Variants in CCZ1 observed in about 807,000 individuals in gnomAD.
CCZ1 encodes CCZ1 vacuolar protein trafficking and biogenesis associated, also known as vacuolar fusion protein CCZ1 homolog.
Under a neutral mutation model 57.8 loss-of-function variants are expected in CCZ1, and 19 were observed. That is an observed-to-expected ratio of 0.33 (90% CI 0.23 to 0.48). CCZ1 has a LOEUF of 0.48. CCZ1 is among the 20% of genes least tolerant of loss of function. The pLI is 0.99. For synonymous variants in CCZ1, 81 were observed against 167.0 expected (o/e 0.49, Z 3.97); for missense variants, 200 against 492.0 (o/e 0.41, Z 5.61).
At position 5,912,938 on chromosome 7, in the gene CCZ1, A is replaced by G. The variant is rs142086333; in HGVS notation, c.938A>G (p.His313Arg). The G allele has an allele frequency of 1.1e-5, 17 of 1,598,898 alleles. No homozygotes were observed. The highest frequency in any genetic ancestry group is 1.4e-5 in the Non-Finnish European group (17 of 1,174,460). ...ACAGATGACACTTATGAAGAGCTCCATTTAATCGTTTATAAGGTAACAACT... is the reference window on the plus strand; with the variant it reads ...ACAGATGACACTTATGAAGAGCTCCGTTTAATCGTTTATAAGGTAACAACT... ...VNTDDTYEEL[H>R]LIVYKAMSAA... The change falls in exon 10 of 15, where the codon CAT becomes CGT. Residue 313 changes from histidine to arginine, a missense_variant. Physicochemically the swap from His to Arg is conservative, Grantham distance 29 (BLOSUM62 0). Transcript: ENST00000325974.
In CCZ1 at chr7:5,911,477, T is replaced by C. The variant is rs534970468; in HGVS notation, c.781-384T>C. 1.4e-5 allele frequency among the ~76,000 whole-genome samples: 2 copies of C among 147,664 alleles called. 1 individual carries two copies. The highest frequency in any genetic ancestry group is 4.6e-4 in the East Asian group (2 of 4,316). The stretch of plus-strand genomic sequence containing the variant: ...GCCACCACACCTGGCTAATTTTTTG[T>C]AGAGATGGGATCTCGTCATGTTGCC... On this transcript the variant is annotated intron_variant, in intron 8 of 14. Transcript: ENST00000325974.
At chr7:5,899,421 T>C (rs1234983046) in intron 1 of CCZ1, among the ~76,000 whole-genome samples, 1 of 145,244 alleles carries the variant, frequency 6.9e-6, no homozygotes, top group South Asian at 2.1e-4. Context: ...TCTCAAAGGA[T>C]GTCCGGAGCT....
intron 9 of CCZ1, 114 bp downstream of exon 9, chr7:5,912,036 C>T (rs968406742): frequency 3.9e-5 from 61 of 1,581,784 alleles, no homozygotes; most frequent in Non-Finnish European, 5.1e-5. Context: ...TCACTGCAAC[C>T]TCCGCCTCCC....
At chr7:5,899,740 C>G (rs1178836902) in intron 1 of CCZ1, among the ~76,000 whole-genome samples, 3 of 151,368 alleles carry the variant, frequency 2.0e-5, no homozygotes, top group South Asian at 2.1e-4. Flanking sequence ...TGCACTACAG[C>G]CTGGGCAGCA....
At chr7:5,907,374 C>G (rs1463067506) in intron 7 of CCZ1, among the ~76,000 whole-genome samples, 3 of 149,398 alleles carry the variant, frequency 2.0e-5, no homozygotes, top group Non-Finnish European at 2.9e-5. Context: ...GCTTGCAAGT[C>G]ACACGCAGCC....
chr7:5,916,498 G>GTTTTTTTTTTTTTTTTTTTTTT (rs764065119), intron 10 of CCZ1, among the ~76,000 whole-genome samples: 2 of 110,962 alleles, frequency 1.8e-5, no homozygotes, highest in Admixed American at 9.0e-5. Flanking sequence ...TTTTTGTTTT[G>GTTTTTTTTTTTTTTTTTTTTTT]TTTTTTGTTT....
At chr7:5,905,004 G>A (rs747894910) in intron 6 of CCZ1, 90 bp from the exon 7 acceptor site, 8 of 1,183,240 alleles carry the variant, frequency 6.8e-6, no homozygotes, top group Admixed American at 2.1e-5. Flanking sequence ...CCATAAATGT[G>A]AGTCTGACAT....
chr7:5,899,332 G>T lies in CCZ1; in HGVS notation c.120+413G>T, dbSNP rs865808763. Among the ~76,000 whole-genome samples, 7 of 128,914 alleles carry T rather than the reference G, an allele frequency of 5.4e-5. No individual in the cohort carries two copies. The South Asian group carries it at 9.4e-4, about 17-fold the overall frequency. The allele number at this position is 128,914 out of a possible 152,430, so 84.6% of individuals were successfully genotyped here. On this transcript the variant is annotated intron_variant, in intron 1 of 14. Coordinates refer to ENST00000325974, the MANE Select transcript of CCZ1 (RefSeq NM_015622.6). ...GAGGAAATAAATTAATTTCGGGAGG[G>T]GGGTGTGTGTGTGTGTGTGTGTGTG...
intron 4 of CCZ1, 168 bp from the exon 5 acceptor site, chr7:5,901,484 CAAAAA>C (rs879211178): frequency 5.2e-5 from 46 of 886,436 alleles, no homozygotes; most frequent in South Asian, 1.4e-4. Flanking sequence ...GACTCCATCT[CAAAAA>C]AAAAAAAAAA....
In CCZ1 at chr7:5,904,480, C is replaced by G. The variant is rs532173076; in HGVS notation, c.523-614C>G. Among the ~76,000 whole-genome samples the G allele has an allele frequency of 7.8e-4, 113 of 144,112 alleles. 8 individuals carry two copies. The highest frequency in any genetic ancestry group is 2.9e-3 in the African/African-American group (108 of 37,778). The allele number at this position is 144,112 out of a possible 152,430, so 94.5% of individuals were successfully genotyped here. ...GCCTAGACACGAGAATCACGGAGGC[C>G]AGAAGTTCAAGACCAGCCTAGGCAA... On this transcript the variant is annotated intron_variant, in intron 6 of 14. Transcript: ENST00000325974.
rs1014012670 is a variant in CCZ1 at position 5,900,739 on chromosome 7, C to G, written c.313-116C>G. ...CTATTTGCTTTATTCATTCTTGGGG[C>G]TGTTTTAAGAAGCTATGTTTCTGAT... On this transcript the variant is annotated intron_variant, in intron 3 of 14. Transcript: ENST00000325974. The G allele has an allele frequency of 6.2e-5, 97 of 1,553,964 alleles. 2 individuals are homozygous for G. The African/African-American group carries it at 1.3e-3, about 21-fold the overall frequency.
intron 3 of CCZ1, 78 bp from the exon 4 acceptor site, chr7:5,900,777 T>A: frequency 6.3e-7 from 1 of 1,576,264 alleles, no homozygotes; most frequent in Admixed American, 2.1e-5. Flanking sequence ...TGTAGCATGT[T>A]CAAAGTTTTT....
chr7:5,911,844 A>G lies in CCZ1; in HGVS notation c.781-17A>G. On this transcript the variant is annotated splice_polypyrimidine_tract_variant and intron_variant, in intron 8 of 14. Transcript: ENST00000325974. ...AAAAGTCTGATAAGTCATTCTCAAC[A>G]TTAAATGTATTTGCAGTTAGCAGGA... The G allele has an allele frequency of 6.5e-7, 1 of 1,534,592 alleles. No individual in the cohort carries two copies. The highest frequency in any genetic ancestry group is 2.3e-5 in the East Asian group (1 of 42,762).
At chr7:5,916,801 G>A (rs1450373020) in intron 10 of CCZ1, among the ~76,000 whole-genome samples, 1 of 137,016 alleles carries the variant, frequency 7.3e-6, no homozygotes, top group East Asian at 2.2e-4. Context: ...AAGGGATATT[G>A]GCCTGTAGTT....
chr7:5,903,369 T>A (rs907366373), intron 6 of CCZ1, among the ~76,000 whole-genome samples: 21 of 145,192 alleles, frequency 1.4e-4, no homozygotes, highest in Non-Finnish European at 2.7e-4. Context: ...TCTTCCCTCC[T>A]TGGCCTCCCA....
At chr7:5,902,926 A>G (rs1485215134) in intron 6 of CCZ1, among the ~76,000 whole-genome samples, 182 bp downstream of exon 6, 1 of 148,398 alleles carries the variant, frequency 6.7e-6, no homozygotes, top group Admixed American at 6.7e-5. Context: ...GTGCTCTGGA[A>G]CCTTCCCTCC....
rs767303003 is a variant in CCZ1 at position 5,910,397 on chromosome 7, C to T, written c.780+281C>T. On this transcript the variant is annotated intron_variant, in intron 8 of 14. Transcript: ENST00000325974. ...TTGTTTGGTTTTTGAGACGGAGTCT[C>T]GAACTTTCGCCTGGGATGGAGAGGT... Among the ~76,000 whole-genome samples the T allele has an allele frequency of 6.0e-5, 9 of 149,502 alleles. No individual in the cohort carries two copies. The South Asian group carries it at 6.5e-4, about 11-fold the overall frequency.
chr7:5,902,367 A>C (rs1781704839), intron 5 of CCZ1: 1 of 301,062 alleles, frequency 3.3e-6, no homozygotes, highest in South Asian at 5.2e-5. Flanking sequence ...AAAATAAAAA[A>C]ACAGAAATGT....
rs970512064 is a variant in CCZ1 at position 5,912,588 on chromosome 7, C to G, written c.843-255C>G. Among the ~76,000 whole-genome samples the G allele has an allele frequency of 3.5e-5, 5 of 142,374 alleles. 1 individual carries two copies. In the East Asian group the frequency reaches 7.7e-4, roughly 22 times the overall value. 93.4% of individuals were successfully genotyped at this position (142,374 alleles called of 152,430 possible). On this transcript the variant is annotated intron_variant, in intron 9 of 14. Coordinates refer to ENST00000325974, the MANE Select transcript of CCZ1 (RefSeq NM_015622.6). ...CTAATTTTTGTAGTTTTAGTAGAGA[C>G]GAGGTTTTGCCATGTTGGCCAGGCT...
Sources: gnomAD v4.1 joint callset for allele counts (sites outside exome capture counted in the v4.1 genomes callset) on GRCh38, gnomAD v4.1.1 for gene constraint, MANE v1.5 for transcripts, NCBI Gene and HGNC (gene_info 2026-07-23, HGNC 2026-07-21) for gene names.